CTNNA2: variants seen among roughly 807,000 people sequenced by gnomAD.
CTNNA2 encodes the protein catenin alpha-2.
CTNNA2 carries 42 observed loss-of-function variants against 101.0 expected under a neutral mutation model. The observed-to-expected ratio is 0.42, with a 90% CI of 0.32 to 0.54. The LOEUF is 0.54. Ranked by LOEUF, CTNNA2 falls within the 20% of genes least tolerant of loss-of-function variation. The pLI, the probability that CTNNA2 is intolerant of heterozygous loss-of-function variation, is 0.14. For synonymous variants in CTNNA2, 450 were observed against 456.4 expected (o/e 0.99, Z 0.18); for missense variants, 871 against 1,223.1 (o/e 0.71, Z 4.29).
chr2:79,230,974 C>A (rs1304412814), intron 2 of CTNNA2, among the ~76,000 whole-genome samples: 4 of 152,152 alleles, frequency 2.6e-5, no homozygotes, highest in Admixed American at 6.5e-5. Flanking sequence ...GCCTGTACTA[C>A]CATGGTATCT....
At chr2:79,903,988 C>T (rs937298051) in intron 6 of CTNNA2, among the ~76,000 whole-genome samples, 7 of 152,118 alleles carry the variant, frequency 4.6e-5, no homozygotes, top group African/African-American at 1.7e-4. Flanking sequence ...TCTATGGCAC[C>T]GTACATGTGA....
At chr2:80,007,752 G>A (rs999714860) in intron 7 of CTNNA2, among the ~76,000 whole-genome samples, 4 of 152,182 alleles carry the variant, frequency 2.6e-5, no homozygotes, top group Non-Finnish European at 5.9e-5. Context: ...AGTGAGAGAA[G>A]GGGTAAGGGG....
At chr2:79,896,981 G>A (rs1031556705) in intron 6 of CTNNA2, among the ~76,000 whole-genome samples, 2 of 152,270 alleles carry the variant, frequency 1.3e-5, no homozygotes, top group Non-Finnish European at 2.9e-5. Context: ...AGAGACTTGC[G>A]CCGGATTGCT....
At chr2:79,897,907 A>G (rs1684823094) in intron 6 of CTNNA2, among the ~76,000 whole-genome samples, 1 of 152,164 alleles carries the variant, frequency 6.6e-6, no homozygotes, top group South Asian at 2.1e-4. Context: ...GCAGAAGGGC[A>G]AGCTAGCCAA....
chr2:79,898,523 C>A (rs1261067505), intron 6 of CTNNA2, among the ~76,000 whole-genome samples: 3 of 152,166 alleles, frequency 2.0e-5, no homozygotes, highest in Non-Finnish European at 4.4e-5. Context: ...GTCAGAAAGA[C>A]TTCTCAAGTC....
At chr2:79,427,636 T>A (rs894214408) in intron 4 of CTNNA2, among the ~76,000 whole-genome samples, 1 of 150,386 alleles carries the variant, frequency 6.6e-6, no homozygotes, top group African/African-American at 2.5e-5. Flanking sequence ...AAAAAAATAA[T>A]AACTGTACTC....
At chr2:80,200,131 C>A (rs1463250465) in intron 7 of CTNNA2, among the ~76,000 whole-genome samples, 1 of 152,216 alleles carries the variant, frequency 6.6e-6, no homozygotes, top group Non-Finnish European at 1.5e-5. Flanking sequence ...GAATCGGCAC[C>A]ACTTTCCCAT....
intron 3 of CTNNA2, among the ~76,000 whole-genome samples, chr2:79,762,126 A>C (rs111508761): frequency 6.6e-6 from 1 of 152,194 alleles, no homozygotes; most frequent in Non-Finnish European, 1.5e-5. Context: ...CTAGGAAACA[A>C]AATCTTCAAA....
chr2:79,472,957 C>T (rs1356975812), intron 4 of CTNNA2, among the ~76,000 whole-genome samples: 1 of 152,178 alleles, frequency 6.6e-6, no homozygotes, highest in African/African-American at 2.4e-5. Flanking sequence ...AGAACATGAA[C>T]AGAATTCTGC....
chr2:80,142,041 C>T (rs1371334234), intron 7 of CTNNA2, among the ~76,000 whole-genome samples: 1 of 152,006 alleles, frequency 6.6e-6, no homozygotes. Context: ...TCCTGAGGGG[C>T]CTGGAGGTCA....
At chr2:80,495,521 A>C (rs962533518) in intron 9 of CTNNA2, among the ~76,000 whole-genome samples, 40 of 152,212 alleles carry the variant, frequency 2.6e-4, no homozygotes, top group African/African-American at 9.2e-4. Context: ...TTGAAGTATT[A>C]ACCCCCAGTA....
intron 3 of CTNNA2, among the ~76,000 whole-genome samples, chr2:79,753,914 G>A (rs964669164): frequency 4.4e-4 from 64 of 145,260 alleles, no homozygotes; most frequent in African/African-American, 1.5e-3. Context: ...TGTCACCCAG[G>A]TTGGAGTGCA....
chr2:80,041,381 G>A (rs1446040215), intron 7 of CTNNA2, among the ~76,000 whole-genome samples: 1 of 152,056 alleles, frequency 6.6e-6, no homozygotes, highest in East Asian at 1.9e-4. Flanking sequence ...TAAGAAATAG[G>A]CTATTTAATG....
chr2:79,936,218 G>GT (rs201740636), intron 7 of CTNNA2, among the ~76,000 whole-genome samples: 3,328 of 140,538 alleles, frequency 0.024, 114 homozygotes, highest in Admixed American at 0.11. Context: ...TTCTGAGTTT[G>GT]TTTTTTTTTA....
chr2:79,956,843 G>GTTTTTTTTTTCTTTTTTTT (rs1302247404), intron 7 of CTNNA2, among the ~76,000 whole-genome samples: 9 of 98,908 alleles, frequency 9.1e-5, no homozygotes, highest in Middle Eastern at 7.8e-3. Flanking sequence ...ATACGTGTGG[G>GTTTTTTTTTTCTTTTTTTT]TTTTTTTTTT....
intron 7 of CTNNA2, among the ~76,000 whole-genome samples, chr2:80,265,230 C>T (rs530264488): frequency 2.0e-5 from 3 of 152,214 alleles, no homozygotes; most frequent in African/African-American, 4.8e-5. Context: ...CTGCCTTGGC[C>T]TCCTAAAATG....
At chr2:80,564,948 A>C (rs1461446839) in intron 12 of CTNNA2, among the ~76,000 whole-genome samples, 1 of 152,352 alleles carries the variant, frequency 6.6e-6, no homozygotes, top group Admixed American at 6.5e-5. Context: ...ATTTAGAGAA[A>C]GTATGTAAGG....
intron 1 of CTNNA2, among the ~76,000 whole-genome samples, chr2:79,520,980 T>C (rs573875805): frequency 2.0e-5 from 3 of 151,724 alleles, no homozygotes; most frequent in Non-Finnish European, 2.9e-5. Flanking sequence ...TGAAAACATA[T>C]GTACAAGGAC....
intron 11 of CTNNA2, among the ~76,000 whole-genome samples, chr2:80,551,820 T>G (rs1473983283): frequency 6.6e-6 from 1 of 152,238 alleles, no homozygotes; most frequent in African/African-American, 2.4e-5. Context: ...GCACTTTTAA[T>G]TTCTTTCAAG....
Sources: allele counts gnomAD v4.1 joint callset (sites outside exome capture counted in the v4.1 genomes callset), GRCh38; gene constraint gnomAD v4.1.1; transcripts MANE v1.5; gene names NCBI Gene and HGNC (gene_info 2026-07-23, HGNC 2026-07-21).